The following CSMD1 variants were observed in gnomAD, a reference collection of about 807,000 sequenced individuals.
The protein encoded by CSMD1 is CUB and sushi domain-containing protein 1.
Under a neutral mutation model 417.5 loss-of-function variants are expected in CSMD1, and 213 were observed. That is an observed-to-expected ratio of 0.51 (90% CI 0.46 to 0.57). The LOEUF is 0.57. CSMD1 is among the 20% of genes least tolerant of loss of function. The pLI is 0.00. For missense variants in CSMD1, 6,923 were observed against 4,529.7 expected (o/e 1.53, Z -15.17); for synonymous variants, 2,862 against 1,736.8 (o/e 1.65, Z -16.11).
Position 3,484,212 on chromosome 8 carries a change from GTGTGGCA to G in CSMD1, c.1448+9404_1448+9410del, listed in dbSNP as rs371405344. 1.7e-3 allele frequency among the ~76,000 whole-genome samples: 265 copies of G among 152,306 alleles called. 4 individuals carry two copies. Among genetic ancestry groups the G allele is most frequent in the African/African-American group, 6.1e-3 (253 of 41,554 alleles). On this transcript the variant is annotated intron_variant, in intron 11 of 69. Coordinates refer to ENST00000635120, the MANE Select transcript of CSMD1 (RefSeq NM_033225.6). ...CTAAACAGTTATAGTAATTAGTAAT[GTGTGGCA>G]TTGGTAGAAGACTAGACACACATCA...
At chr8:3,363,527 A>ATTTATTTG (rs1044932822) in intron 20 of CSMD1, among the ~76,000 whole-genome samples, 1 of 151,658 alleles carries the variant, frequency 6.6e-6, no homozygotes, top group Non-Finnish European at 1.5e-5. Context: ...TTATTTATTT[A>ATTTATTTG]TTTATTTATT....
At chr8:3,637,544 G>C (rs1797110368) in intron 7 of CSMD1, among the ~76,000 whole-genome samples, 1 of 152,072 alleles carries the variant, frequency 6.6e-6, no homozygotes, top group Non-Finnish European at 1.5e-5. Context: ...ACAAGAAATA[G>C]TTTGCTTTTT....
At position 4,395,091 on chromosome 8, in the gene CSMD1, A is replaced by G. The variant is rs376761035; in HGVS notation, c.415+24862T>C. The stretch of plus-strand genomic sequence containing the variant: ...GGGTGTCCTGGCACCTCCTGCACCC[A>G]CATGAACCTCCGCTGGGAGACCCAG... On this transcript the variant is annotated intron_variant, in intron 3 of 69. Transcript: ENST00000635120. 1.2e-4 allele frequency among the ~76,000 whole-genome samples: 18 copies of G among 152,262 alleles called. No homozygotes were observed. In the South Asian group the frequency reaches 1.7e-3, roughly 14 times the overall value.
chr8:3,939,140 T>G (rs1018166722), intron 5 of CSMD1, among the ~76,000 whole-genome samples: 2 of 152,160 alleles, frequency 1.3e-5, no homozygotes, highest in African/African-American at 4.8e-5. Context: ...GTTCTTGCCC[T>G]GTGGAGAATA....
intron 41 of CSMD1, among the ~76,000 whole-genome samples, chr8:3,134,293 G>C (rs759994750): frequency 6.6e-6 from 1 of 152,230 alleles, no homozygotes; most frequent in Non-Finnish European, 1.5e-5. Flanking sequence ...CGTGATGTTA[G>C]GCAGTTCCTG....
At chr8:3,623,936 C>T (rs925867390) in intron 7 of CSMD1, among the ~76,000 whole-genome samples, 2 of 152,080 alleles carry the variant, frequency 1.3e-5, no homozygotes, top group East Asian at 3.9e-4. Context: ...GAGATTGCAC[C>T]ACTGCACTCC....
rs114614978 is a variant in CSMD1, at chr8:2,946,112, A to C, written c.10402+3187T>G. Among the ~76,000 whole-genome samples, 713 of 152,316 alleles carry C rather than the reference A, an allele frequency of 4.7e-3. 5 individuals carry two copies. The highest frequency in any genetic ancestry group is 0.016 in the African/African-American group (678 of 41,588). ...GGCTCCTACATGAGTAACACCGTGC[A>C]CTATGACATTATGGCAGCTGTGGTG... On this transcript the variant is annotated intron_variant, in intron 68 of 69. Transcript: ENST00000635120.
At chr8:4,425,316 A>G (rs765381404) in intron 2 of CSMD1, among the ~76,000 whole-genome samples, 9 of 151,796 alleles carry the variant, frequency 5.9e-5, no homozygotes, top group Non-Finnish European at 1.2e-4. Flanking sequence ...TGTAGGGAAA[A>G]TATATGCATG....
At chr8:3,010,893 A>C (rs1178968418) in intron 52 of CSMD1, among the ~76,000 whole-genome samples, 4 of 151,628 alleles carry the variant, frequency 2.6e-5, no homozygotes, top group African/African-American at 9.7e-5. Context: ...ACTGGTGCCC[A>C]CCATTATGTC....
At chr8:3,096,758 A>G (rs933129762) in intron 47 of CSMD1, 91 bp downstream of exon 47, 10 of 876,602 alleles carry the variant, frequency 1.1e-5, no homozygotes, top group Non-Finnish European at 1.7e-5. Context: ...ACTCAAGAAT[A>G]TATTCCAGTC....
chr8:4,045,833 C>T (rs1030505756), intron 3 of CSMD1, among the ~76,000 whole-genome samples: 2 of 152,030 alleles, frequency 1.3e-5, no homozygotes, highest in Admixed American at 6.6e-5. Context: ...TCATCATCCC[C>T]TTTTTCTTTC....
intron 1 of CSMD1, among the ~76,000 whole-genome samples, chr8:4,799,962 C>A (rs114510732): frequency 6.6e-6 from 1 of 151,722 alleles, no homozygotes; most frequent in Non-Finnish European, 1.5e-5. Context: ...GCAGACTACA[C>A]TGATGCTTCT....
At chr8:4,126,942 C>G (rs1301944473) in intron 3 of CSMD1, among the ~76,000 whole-genome samples, 1 of 152,086 alleles carries the variant, frequency 6.6e-6, no homozygotes, top group Middle Eastern at 3.2e-3. Context: ...CTGGAAGAGA[C>G]CCTGCAGGTG....
chr8:4,750,392 A>G (rs747128456), intron 1 of CSMD1, among the ~76,000 whole-genome samples: 1 of 152,188 alleles, frequency 6.6e-6, no homozygotes, highest in African/African-American at 2.4e-5. Flanking sequence ...GGTTATCAAG[A>G]TTCAATTTCC....
chr8:3,590,622 C>A (rs17395729), intron 8 of CSMD1, among the ~76,000 whole-genome samples: 2 of 151,942 alleles, frequency 1.3e-5, no homozygotes, highest in African/African-American at 2.4e-5. Context: ...TGCAAATTAT[C>A]GGAAAAAGCC....
chr8:4,919,748 A>G (rs1806310624), intron 1 of CSMD1, among the ~76,000 whole-genome samples: 2 of 152,164 alleles, frequency 1.3e-5, no homozygotes, highest in Admixed American at 1.3e-4. Flanking sequence ...GGCCTAGAAT[A>G]AGTGATTAGC....
At chr8:4,945,035 G>T (rs920182839) in intron 1 of CSMD1, among the ~76,000 whole-genome samples, 3 of 152,050 alleles carry the variant, frequency 2.0e-5, no homozygotes, top group Non-Finnish European at 4.4e-5. Context: ...ATAAGCAAAA[G>T]GTGGTCTCTT....
At chr8:4,686,295 C>T (rs759256326) in intron 1 of CSMD1, among the ~76,000 whole-genome samples, 2 of 152,154 alleles carry the variant, frequency 1.3e-5, no homozygotes, top group East Asian at 1.9e-4. Flanking sequence ...CCCATTAAAA[C>T]GAACATATAT....
At chr8:4,653,076 G>C (rs1023682195) in intron 1 of CSMD1, among the ~76,000 whole-genome samples, 1 of 152,056 alleles carries the variant, frequency 6.6e-6, no homozygotes, top group Non-Finnish European at 1.5e-5. Context: ...CCGCTCTAGA[G>C]GATGTGTTTA....
Sources: gnomAD v4.1 joint callset for allele counts (sites outside exome capture counted in the v4.1 genomes callset) on GRCh38, gnomAD v4.1.1 for gene constraint, MANE v1.5 for transcripts, NCBI Gene and HGNC (gene_info 2026-07-23, HGNC 2026-07-21) for gene names.